Variants in GABBR2 observed in about 807,000 individuals in gnomAD.
GABBR2 encodes gamma-aminobutyric acid type B receptor subunit 2, also known as G-protein coupled receptor 51.
A neutral mutation model predicts 105.6 loss-of-function variants in GABBR2; 23 were observed. That is an observed-to-expected ratio of 0.22 (90% confidence interval 0.16 to 0.31). The LOEUF (loss-of-function observed/expected upper bound fraction) is 0.31. Ranked by LOEUF, GABBR2 falls within the 10% of genes least tolerant of loss-of-function variation. The pLI, the probability that GABBR2 is intolerant of heterozygous loss-of-function variation, is 1.00. For missense variants in GABBR2, 734 were observed against 1,245.5 expected (o/e 0.59, Z 6.18); for synonymous variants, 478 against 499.7 (o/e 0.96, Z 0.58).
At chr9:98,542,069 T>G in intron 2 of GABBR2, 26 bp from the exon 3 acceptor site, 1 of 1,601,766 alleles carries the variant, frequency 6.2e-7, no homozygotes, top group Non-Finnish European at 8.5e-7. Context: ...GAGACAACGC[T>G]TTTTACTGAT....
At chr9:98,477,090 C>T (rs1826808278) in intron 5 of GABBR2, among the ~76,000 whole-genome samples, 1 of 152,144 alleles carries the variant, frequency 6.6e-6, no homozygotes, top group Non-Finnish European at 1.5e-5. Context: ...TCTCCTCTGC[C>T]AGTTGGGGAG....
chr9:98,697,301 C>T (rs907176731), intron 1 of GABBR2, among the ~76,000 whole-genome samples: 3 of 152,146 alleles, frequency 2.0e-5, no homozygotes, highest in African/African-American at 7.2e-5. Context: ...ACCATCCTGG[C>T]TAACACGGTG....
chr9:98,539,913 TAA>T (rs746934812), intron 3 of GABBR2, among the ~76,000 whole-genome samples: 5,379 of 103,590 alleles, frequency 0.052, 179 homozygotes, highest in East Asian at 0.19. Context: ...AGACTTCGTC[TAA>T]AAAAAAAAAA....
At chr9:98,494,251 A>G (rs1461563137) in intron 4 of GABBR2, among the ~76,000 whole-genome samples, 1 of 152,216 alleles carries the variant, frequency 6.6e-6, no homozygotes, top group African/African-American at 2.4e-5. Context: ...ATGAAAATAG[A>G]TATCAATCAG....
intron 1 of GABBR2, among the ~76,000 whole-genome samples, chr9:98,693,948 T>A (rs1217004441): frequency 6.6e-6 from 1 of 152,222 alleles, no homozygotes; most frequent in East Asian, 1.9e-4. Flanking sequence ...CTGGCTGCTC[T>A]CCTTTTGAGG....
At chr9:98,390,231 GGGTGTGCT>G (rs1382975059) in intron 9 of GABBR2, among the ~76,000 whole-genome samples, 5 of 151,848 alleles carry the variant, frequency 3.3e-5, no homozygotes, top group Non-Finnish European at 7.4e-5. Flanking sequence ...GAAAATAGCT[GGGTGTGCT>G]GGTGCACACC....
At chr9:98,533,713 GA>G (rs1290218653) in intron 3 of GABBR2, among the ~76,000 whole-genome samples, 1 of 152,134 alleles carries the variant, frequency 6.6e-6, no homozygotes, top group Non-Finnish European at 1.5e-5. Context: ...GGTATGGGGA[GA>G]AAAATGAGGA....
At position 98,466,001 on chromosome 9, in the gene GABBR2, C is replaced by T. The variant is rs114837992; in HGVS notation, c.999+7145G>A. Among the ~76,000 whole-genome samples, 896 of 152,210 alleles carry T rather than the reference C, an allele frequency of 5.9e-3. 13 individuals carry two copies. The highest frequency in any genetic ancestry group is 0.02 in the African/African-American group (834 of 41,510). On this transcript the variant is annotated intron_variant, in intron 6 of 18. Transcript: ENST00000259455. ...GCTAGTGAGTGCGTTCTCACAAGAT[C>T]GGGTTGTTTAAAAGGGTGTAGCACC...
intron 1 of GABBR2, chr9:98,607,030 G>T: frequency 8.5e-7 from 1 of 1,181,674 alleles, no homozygotes. Flanking sequence ...GGCTATGTGG[G>T]ATTTGCCAAT....
intron 1 of GABBR2, among the ~76,000 whole-genome samples, chr9:98,628,859 C>T (rs951620909): frequency 5.3e-5 from 8 of 152,336 alleles, no homozygotes; most frequent in African/African-American, 1.7e-4. Context: ...GAAAAGGCCA[C>T]GTGCAAACAT....
rs2131606813 is a variant in GABBR2, at chr9:98,456,453, T to A, written c.1000-2236A>T. On this transcript the variant is annotated intron_variant, in intron 6 of 18. Coordinates refer to ENST00000259455, the MANE Select transcript of GABBR2 (RefSeq NM_005458.8). Reference sequence around the variant, plus strand: ...CACTTGTCACTCCCTGCAATTTTCCTCCTTATGTGTTTACTTGCTTATGGT... The same window carrying A: ...CACTTGTCACTCCCTGCAATTTTCCACCTTATGTGTTTACTTGCTTATGGT... Among the ~76,000 whole-genome samples the A allele has an allele frequency of 1.3e-5, 2 of 152,324 alleles. 1 individual carries two copies. Among genetic ancestry groups the A allele is most frequent in the Non-Finnish European group, 2.9e-5 (2 of 68,034 alleles).
intron 1 of GABBR2, among the ~76,000 whole-genome samples, chr9:98,631,142 T>C (rs1316227103): frequency 6.6e-6 from 1 of 152,182 alleles, no homozygotes; most frequent in Non-Finnish European, 1.5e-5. Context: ...AAATATCTCA[T>C]GAACTTCCAA....
At chr9:98,585,497 G>C (rs558868900) in intron 1 of GABBR2, among the ~76,000 whole-genome samples, 2 of 136,178 alleles carry the variant, frequency 1.5e-5, no homozygotes, top group Admixed American at 1.5e-4. Context: ...GGCGTAGGGT[G>C]GGGGGAGTGG....
chr9:98,707,554 G>A (rs543282506), intron 1 of GABBR2: 1 of 152,628 alleles, frequency 6.6e-6, no homozygotes, highest in African/African-American at 2.4e-5. Context: ...GGCGTGGGGA[G>A]GGGTCTTGGG....
intron 7 of GABBR2, among the ~76,000 whole-genome samples, chr9:98,437,807 C>T (rs1315887932): frequency 1.3e-5 from 2 of 151,304 alleles, no homozygotes; most frequent in Non-Finnish European, 2.9e-5. Context: ...GACCTACCCA[C>T]ACGTCCATCC....
intron 1 of GABBR2, among the ~76,000 whole-genome samples, chr9:98,593,668 G>A (rs1331583771): frequency 6.6e-6 from 1 of 152,146 alleles, no homozygotes. Flanking sequence ...TGGGAGCCAT[G>A]TCCCCGAATC....
intron 2 of GABBR2, among the ~76,000 whole-genome samples, chr9:98,558,690 C>T (rs1346758494): frequency 6.6e-6 from 1 of 152,218 alleles, no homozygotes; most frequent in African/African-American, 2.4e-5. Context: ...AGGACGCCCA[C>T]AGCCACTCAA....
At chr9:98,655,798 G>A (rs1830171939) in intron 1 of GABBR2, among the ~76,000 whole-genome samples, 1 of 152,118 alleles carries the variant, frequency 6.6e-6, no homozygotes, top group South Asian at 2.1e-4. Flanking sequence ...AGAACACATG[G>A]ACACAGGGAG....
chr9:98,324,887 C>A (rs559451314), intron 13 of GABBR2, among the ~76,000 whole-genome samples: 2 of 152,122 alleles, frequency 1.3e-5, no homozygotes, highest in African/African-American at 4.8e-5. Context: ...CTCTCATATA[C>A]CCTCTGGCAA....
Sources: allele counts gnomAD v4.1 joint callset (sites outside exome capture counted in the v4.1 genomes callset), GRCh38; gene constraint gnomAD v4.1.1; transcripts MANE v1.5; gene names NCBI Gene and HGNC (gene_info 2026-07-23, HGNC 2026-07-21).